The following PRKG1 variants were observed in gnomAD, a reference collection of about 807,000 sequenced individuals.
The protein encoded by PRKG1 is cGMP-dependent protein kinase 1.
Under a neutral mutation model 88.1 loss-of-function variants are expected in PRKG1, and 35 were observed. That is an observed-to-expected ratio of 0.40 (90% CI 0.30 to 0.53). The LOEUF (loss-of-function observed/expected upper bound fraction) is 0.53. PRKG1 is among the 20% of genes least tolerant of loss of function. The probability of loss-of-function intolerance (pLI) is 0.59; values close to 1 mark genes in which losing one functional copy is unlikely to be tolerated. For missense variants in PRKG1, 540 were observed against 839.8 expected, an observed-to-expected ratio of 0.64 and a Z score of 4.41; for synonymous variants, 303 against 292.5, an observed-to-expected ratio of 1.04 and a Z score of -0.37.
chr10:51,175,467 A>G (rs1837166340), intron 2 of PRKG1, among the ~76,000 whole-genome samples: 1 of 149,022 alleles, frequency 6.7e-6, no homozygotes, highest in Non-Finnish European at 1.5e-5. Context: ...TTTATCTTCA[A>G]TTTATTTTCA....
chr10:51,735,415 G>A (rs1837239099), intron 3 of PRKG1, among the ~76,000 whole-genome samples: 1 of 152,102 alleles, frequency 6.6e-6, no homozygotes, highest in South Asian at 2.1e-4. Flanking sequence ...CCTTTTGTGG[G>A]AAGAAATGGA....
At chr10:51,164,261 C>T (rs930789144) in intron 2 of PRKG1, among the ~76,000 whole-genome samples, 6 of 152,186 alleles carry the variant, frequency 3.9e-5, no homozygotes, top group Non-Finnish European at 7.4e-5. Flanking sequence ...GTTCTGCAGC[C>T]ACCGCTGCTG....
chr10:52,229,883 C>A (rs1030657401), intron 9 of PRKG1, among the ~76,000 whole-genome samples: 3 of 152,082 alleles, frequency 2.0e-5, no homozygotes, highest in African/African-American at 7.2e-5. Flanking sequence ...CTTCACCTAC[C>A]CTTCTTTTAA....
intron 2 of PRKG1, among the ~76,000 whole-genome samples, chr10:51,264,897 A>G (rs1011926500): frequency 2.6e-5 from 4 of 152,154 alleles, no homozygotes; most frequent in Non-Finnish European, 5.9e-5. Context: ...AATTATTTTC[A>G]GTGGTGGCAA....
At chr10:51,056,541 C>A (rs563800806) in intron 1 of PRKG1, among the ~76,000 whole-genome samples, 43 of 152,274 alleles carry the variant, frequency 2.8e-4, no homozygotes, top group African/African-American at 1.0e-3. Context: ...CTTGATTAGA[C>A]CTTTAATATG....
chr10:51,272,780 T>G (rs1840015461), intron 2 of PRKG1, among the ~76,000 whole-genome samples: 2 of 152,168 alleles, frequency 1.3e-5, no homozygotes, highest in African/African-American at 4.8e-5. Flanking sequence ...GCTGGGATTG[T>G]TTCCAGTGTC....
intron 2 of PRKG1, among the ~76,000 whole-genome samples, chr10:51,402,053 A>G (rs1837754725): frequency 6.6e-6 from 1 of 152,166 alleles, no homozygotes; most frequent in Admixed American, 6.5e-5. Flanking sequence ...CTTTTTCTAA[A>G]CTATGAAAAG....
chr10:51,364,471 T>G (rs988732898), intron 2 of PRKG1, among the ~76,000 whole-genome samples: 2 of 151,984 alleles, frequency 1.3e-5, no homozygotes, highest in Non-Finnish European at 2.9e-5. Flanking sequence ...CAACATCCAC[T>G]AAGATCCATA....
intron 7 of PRKG1, among the ~76,000 whole-genome samples, chr10:52,071,883 T>A (rs1173068652): frequency 6.6e-6 from 1 of 152,212 alleles, no homozygotes; most frequent in East Asian, 1.9e-4. Flanking sequence ...GTTCTTCCAG[T>A]TACAAGGCTT....
chr10:51,945,938 A>G (rs1843021805), intron 5 of PRKG1, among the ~76,000 whole-genome samples: 1 of 149,306 alleles, frequency 6.7e-6, no homozygotes, highest in African/African-American at 2.5e-5. Context: ...TGTGTCTTGG[A>G]GTTGCTCTTC....
intron 3 of PRKG1, among the ~76,000 whole-genome samples, chr10:51,678,130 G>A (rs967769003): frequency 6.6e-6 from 1 of 152,082 alleles, no homozygotes; most frequent in Non-Finnish European, 1.5e-5. Flanking sequence ...TGCTTTCCCA[G>A]CATTATCTCA....
intron 3 of PRKG1, among the ~76,000 whole-genome samples, chr10:51,747,236 T>C (rs74132404): frequency 6.6e-6 from 1 of 152,198 alleles, no homozygotes; most frequent in Non-Finnish European, 1.5e-5. Flanking sequence ...CAACTCAGAC[T>C]GAAAATGTGC....
intron 2 of PRKG1, among the ~76,000 whole-genome samples, chr10:51,244,369 C>T (rs1183920635): frequency 6.9e-6 from 1 of 145,816 alleles, no homozygotes; most frequent in Non-Finnish European, 1.5e-5. Flanking sequence ...TGATTTGTTG[C>T]AGGTAGCCTG....
At chr10:52,071,835 ATATCCCTG>A (rs1257293603) in intron 7 of PRKG1, among the ~76,000 whole-genome samples, 19 of 152,202 alleles carry the variant, frequency 1.2e-4, no homozygotes, top group African/African-American at 4.6e-4. Flanking sequence ...TTTTAGCTTA[ATATCCCTG>A]TAACTTGAAG....
At chr10:51,980,285 G>A (rs1452975967) in intron 5 of PRKG1, among the ~76,000 whole-genome samples, 1 of 151,998 alleles carries the variant, frequency 6.6e-6, no homozygotes, top group Admixed American at 6.6e-5. Flanking sequence ...GTAATTGTAT[G>A]GTTTTGAAGA....
chr10:51,957,826 A>G (rs1233385225), intron 5 of PRKG1, among the ~76,000 whole-genome samples: 1 of 152,178 alleles, frequency 6.6e-6, no homozygotes, highest in African/African-American at 2.4e-5. Context: ...GTAATAGTGT[A>G]GGACATATAG....
intron 4 of PRKG1, among the ~76,000 whole-genome samples, chr10:51,906,124 C>G (rs189008355): frequency 6.6e-6 from 1 of 152,198 alleles, no homozygotes; most frequent in East Asian, 1.9e-4. Context: ...ATCAATCAAC[C>G]TGTGTCTTCA....
At chr10:52,195,342 A>T (rs898896177) in intron 9 of PRKG1, among the ~76,000 whole-genome samples, 16 of 152,156 alleles carry the variant, frequency 1.1e-4, no homozygotes, top group Non-Finnish European at 1.9e-4. Context: ...TATATTTATT[A>T]ACCAAAACTA....
intron 5 of PRKG1, among the ~76,000 whole-genome samples, chr10:52,042,122 T>C (rs147853700): frequency 0.011 from 1,685 of 152,208 alleles, 18 homozygotes; most frequent in Non-Finnish European, 0.018. Context: ...TATTGTTATA[T>C]TAAATATTGT....
Sources: gnomAD v4.1 joint callset for allele counts (sites outside exome capture counted in the v4.1 genomes callset) on GRCh38, gnomAD v4.1.1 for gene constraint, MANE v1.5 for transcripts, NCBI Gene and HGNC (gene_info 2026-07-23, HGNC 2026-07-21) for gene names.